MFHAS1: variants seen among roughly 807,000 people sequenced by gnomAD.
The protein encoded by MFHAS1 is multifunctional ROCO family signaling regulator 1, also known as malignant fibrous histiocytoma-amplified sequence 1.
In MFHAS1, 50 loss-of-function variants were observed where a neutral mutation model predicts 70.4. That is an observed-to-expected ratio of 0.71 (90% CI 0.57 to 0.90). The LOEUF (loss-of-function observed/expected upper bound fraction) is 0.90, where lower values mean the gene tolerates loss of function less well. Ranked by LOEUF, MFHAS1 falls within the 40% of genes least tolerant of loss-of-function variation. The pLI is 0.00. For synonymous variants in MFHAS1, 952 were observed against 620.0 expected, an observed-to-expected ratio of 1.54 and a Z score of -7.96; for missense variants, 1,795 against 1,347.6, an observed-to-expected ratio of 1.33 and a Z score of -5.20.
chr8:8,883,417 G>A (rs1809606363), intron 1 of MFHAS1, among the ~76,000 whole-genome samples: 1 of 151,956 alleles, frequency 6.6e-6, no homozygotes, highest in South Asian at 2.1e-4. Flanking sequence ...ATCAAAAAGG[G>A]CTCCCATGGG....
rs1441866590 is a variant in MFHAS1 at position 8,893,205 on chromosome 8, C to A, written c.-147G>T. 3.6e-6 allele frequency: 1 copy of A among 277,792 alleles called. No individual in the cohort carries two copies. Among genetic ancestry groups the A allele is most frequent in the East Asian group, 9.7e-5 (1 of 10,286 alleles). 17.2% of individuals were successfully genotyped at this position (277,792 alleles called of 1,614,324 possible). The stretch of plus-strand genomic sequence containing the variant: ...CGCGGGTCCTAGCGCAGCCAGCGGC[C>A]GAGCGCTGGCGGCTAGGGGGCGGCG... On this transcript the variant is annotated 5_prime_UTR_variant, in exon 1 of 3. Transcript: ENST00000276282.
intron 1 of MFHAS1, among the ~76,000 whole-genome samples, chr8:8,874,009 C>A (rs1357987385): frequency 1.3e-5 from 2 of 152,186 alleles, no homozygotes; most frequent in Non-Finnish European, 2.9e-5. Flanking sequence ...ATACACATCA[C>A]CAAAGCCAAT....
At chr8:8,815,267 T>C (rs1356141963) in intron 1 of MFHAS1, among the ~76,000 whole-genome samples, 1 of 152,214 alleles carries the variant, frequency 6.6e-6, no homozygotes, top group African/African-American at 2.4e-5. Context: ...AGTCTATCAT[T>C]GATGGGCATT....
chr8:8,802,407 T>C (rs1435458023), intron 1 of MFHAS1, among the ~76,000 whole-genome samples: 1 of 152,196 alleles, frequency 6.6e-6, no homozygotes, highest in Non-Finnish European at 1.5e-5. Context: ...CCTATTACTG[T>C]AGTCACGAGA....
chr8:8,886,170 G>T (rs1714296474), intron 1 of MFHAS1, among the ~76,000 whole-genome samples: 1 of 151,638 alleles, frequency 6.6e-6, no homozygotes, highest in Non-Finnish European at 1.5e-5. Flanking sequence ...TGCTGGATGT[G>T]CATTTTCCAA....
At chr8:8,788,093 T>G (rs1805613591) in intron 2 of MFHAS1, among the ~76,000 whole-genome samples, 1 of 152,230 alleles carries the variant, frequency 6.6e-6, no homozygotes, top group Non-Finnish European at 1.5e-5. Context: ...CTTACAAGAC[T>G]CTGTTCATAC....
In MFHAS1 at chr8:8,890,822, G is replaced by A. The variant is rs573167495; in HGVS notation, c.2237C>T (p.Ser746Phe). Residue 746 changes from serine (S) to phenylalanine (F), a missense_variant, in exon 1 of 3, where the codon TCT becomes TTT. Physicochemically the swap from Ser to Phe is radical, Grantham distance 155. Coordinates refer to ENST00000276282, the MANE Select transcript of MFHAS1 (RefSeq NM_004225.3). The part of the protein sequence containing the change: ...ILNVFFQRDP[S>F]LLLHKLLLGT... ...TAGGAGCAGCTTATGCAGCAGCAAA[G>A]AGGGATCCCTCTGGAAGAAGACATT... 2.5e-6 allele frequency: 4 copies of A among 1,614,252 alleles called. No individual in the cohort carries two copies. Among genetic ancestry groups the A allele is most frequent in the East Asian group, 2.2e-5 (1 of 44,886 alleles).
At chr8:8,793,318 G>C (rs1408438393) in intron 2 of MFHAS1, among the ~76,000 whole-genome samples, 1 of 152,192 alleles carries the variant, frequency 6.6e-6, no homozygotes, top group African/African-American at 2.4e-5. Flanking sequence ...GTCATCTACA[G>C]TTTCTTCTTT....
chr8:8,841,132 TA>T (rs1476640090), intron 1 of MFHAS1, among the ~76,000 whole-genome samples: 1 of 152,212 alleles, frequency 6.6e-6, no homozygotes, highest in African/African-American at 2.4e-5. Context: ...GCATATTCCT[TA>T]AGATATTCTT....
chr8:8,838,564 G>C (rs1353797977), intron 1 of MFHAS1, among the ~76,000 whole-genome samples: 3 of 152,286 alleles, frequency 2.0e-5, no homozygotes, highest in African/African-American at 7.2e-5. Flanking sequence ...TGTAATCCCA[G>C]CACTTTGGGA....
chr8:8,816,753 A>C (rs950743692), intron 1 of MFHAS1, among the ~76,000 whole-genome samples: 8 of 152,246 alleles, frequency 5.3e-5, no homozygotes, highest in Non-Finnish European at 7.3e-5. Context: ...AGGTCAAAGT[A>C]GTTAAACATA....
intron 2 of MFHAS1, among the ~76,000 whole-genome samples, chr8:8,786,557 G>T (rs140721397): frequency 6.6e-6 from 1 of 152,188 alleles, no homozygotes; most frequent in Non-Finnish European, 1.5e-5. Flanking sequence ...TCTGGAGTCT[G>T]ATCAATATAG....
intron 1 of MFHAS1, among the ~76,000 whole-genome samples, chr8:8,824,229 G>A (rs747425751): frequency 8.6e-5 from 13 of 151,876 alleles, no homozygotes; most frequent in Admixed American, 2.0e-4. Flanking sequence ...GCGGGGAGCA[G>A]GATGCCTGGA....
intron 1 of MFHAS1, among the ~76,000 whole-genome samples, chr8:8,888,940 G>A (rs1265976535): frequency 2.0e-5 from 3 of 150,888 alleles, no homozygotes; most frequent in African/African-American, 7.3e-5. Flanking sequence ...AGCTACGCAT[G>A]TGGGGAAGGG....
chr8:8,845,636 G>T (rs1337264089), intron 1 of MFHAS1, among the ~76,000 whole-genome samples: 4 of 151,926 alleles, frequency 2.6e-5, no homozygotes, highest in African/African-American at 9.7e-5. Context: ...TCCTTTTTTT[G>T]ACTTAATATT....
chr8:8,849,143 C>T (rs1327057148), intron 1 of MFHAS1, among the ~76,000 whole-genome samples: 3 of 130,684 alleles, frequency 2.3e-5, no homozygotes, highest in African/African-American at 8.4e-5. Context: ...AGCAATGGCA[C>T]GATCTCAGCT....
At chr8:8,836,690 T>G (rs1807607706) in intron 1 of MFHAS1, among the ~76,000 whole-genome samples, 1 of 152,220 alleles carries the variant, frequency 6.6e-6, no homozygotes, top group Non-Finnish European at 1.5e-5. Context: ...CCACTTTTCC[T>G]TTTTGAACAC....
intron 1 of MFHAS1, among the ~76,000 whole-genome samples, chr8:8,847,388 G>C (rs1808075822): frequency 6.6e-6 from 1 of 152,114 alleles, no homozygotes; most frequent in Admixed American, 6.6e-5. Flanking sequence ...CACCATGTTG[G>C]CCAGGCTGGT....
intron 2 of MFHAS1, among the ~76,000 whole-genome samples, chr8:8,787,819 G>C (rs1247716876): frequency 1.3e-5 from 2 of 152,196 alleles, no homozygotes; most frequent in East Asian, 1.9e-4. Flanking sequence ...CTACACGTAA[G>C]ACTGAGAAAC....
Sources: allele counts gnomAD v4.1 joint callset (sites outside exome capture counted in the v4.1 genomes callset), GRCh38; gene constraint gnomAD v4.1.1; transcripts MANE v1.5; gene names NCBI Gene and HGNC (gene_info 2026-07-23, HGNC 2026-07-21).